Variants in PAK2 observed in about 807,000 individuals in gnomAD.
PAK2 encodes the protein serine/threonine-protein kinase PAK 2.
Under a neutral mutation model 65.9 loss-of-function variants are expected in PAK2, and 21 were observed. The observed-to-expected ratio is 0.32, with a 90% CI of 0.23 to 0.46. PAK2 has a LOEUF of 0.46. PAK2 is among the 20% of genes least tolerant of loss of function. The pLI is 1.00. For missense variants in PAK2, 324 were observed against 642.6 expected (o/e 0.50, Z 5.36); for synonymous variants, 204 against 219.7 (o/e 0.93, Z 0.63).
intron 1 of PAK2, among the ~76,000 whole-genome samples, chr3:196,776,879 C>T (rs989233912): frequency 1.4e-4 from 21 of 152,126 alleles, no homozygotes; most frequent in Non-Finnish European, 1.0e-4. Context: ...TAGTGTAATA[C>T]CAAAGAAGAA....
At chr3:196,812,384 C>A in intron 9 of PAK2, 117 bp downstream of exon 9, 1 of 732,300 alleles carries the variant, frequency 1.4e-6, no homozygotes, top group Non-Finnish European at 2.5e-6. Flanking sequence ...TTGTAAGAAT[C>A]GCTCTACGTA....
At chr3:196,788,907 G>A (rs1198852833) in intron 2 of PAK2, among the ~76,000 whole-genome samples, 1 of 152,208 alleles carries the variant, frequency 6.6e-6, no homozygotes, top group African/African-American at 2.4e-5. Flanking sequence ...AGGCACTACA[G>A]ACAGCAGAAG....
intron 11 of PAK2, among the ~76,000 whole-genome samples, chr3:196,814,901 T>C (rs576309005): frequency 1.1e-4 from 17 of 152,192 alleles, no homozygotes; most frequent in South Asian, 4.1e-4. Context: ...CCACTCAGGC[T>C]GGGCGCGGTG....
At chr3:196,818,645 C>T (rs13064543) in intron 12 of PAK2, among the ~76,000 whole-genome samples, 89,780 of 151,948 alleles carry the variant, frequency 0.59, 27,914 homozygotes, top group African/African-American at 0.79. Flanking sequence ...GGATTACAGG[C>T]GTGAGCCACC....
intron 1 of PAK2, among the ~76,000 whole-genome samples, chr3:196,765,923 G>A (rs536558756): frequency 1.1e-4 from 16 of 149,234 alleles, no homozygotes; most frequent in African/African-American, 2.5e-4. Context: ...TTTTTTAGAC[G>A]GAGTCTTGCT....
At chr3:196,766,778 A>T (rs1714182784) in intron 1 of PAK2, among the ~76,000 whole-genome samples, 1 of 127,268 alleles carries the variant, frequency 7.9e-6, no homozygotes, top group South Asian at 2.9e-4. Flanking sequence ...ATGGTGATGG[A>T]TGTCTTAATT....
chr3:196,779,964 A>G (rs903837995), intron 1 of PAK2, among the ~76,000 whole-genome samples: 1 of 152,226 alleles, frequency 6.6e-6, no homozygotes, highest in Non-Finnish European at 1.5e-5. Context: ...CCCAGCCGCA[A>G]TGTTGTTACT....
At chr3:196,825,062 A>G (rs1711789404) in intron 13 of PAK2, among the ~76,000 whole-genome samples, 3 of 152,192 alleles carry the variant, frequency 2.0e-5, no homozygotes, top group Non-Finnish European at 4.4e-5. Context: ...ATAATAATTT[A>G]GGACCAGACG....
Position 196,820,561 on chromosome 3 carries a change from C to G in PAK2, c.1344C>G (p.Pro448=). Residue 448 remains proline (P), a synonymous_variant, in exon 13 of 15, where the codon CCC becomes CCG. Transcript: ENST00000327134. This position sits in a 1 kb window ranked among gnomAD's most constrained non-coding sequence, Gnocchi z 4.6. ...AGCCTCCATACCTCAATGAAAATCC[C>G]TTGAGGGTAAGATGAGTTAAACACC... ...EGEPPYLNEN[P]LRALYLIATN... The G allele has an allele frequency of 6.4e-7, 1 of 1,551,090 alleles. No individual in the cohort carries two copies. The highest frequency in any genetic ancestry group is 1.2e-5 in the South Asian group (1 of 85,726).
In PAK2 at chr3:196,807,791, C is replaced by A. The variant is rs1400331886; in HGVS notation, c.586C>A (p.Arg196=). 6.3e-7 allele frequency: 1 copy of A among 1,595,760 alleles called. No individual in the cohort carries two copies. The highest frequency in any genetic ancestry group is 2.2e-5 in the East Asian group (1 of 44,762). The change falls in exon 7 of 15, where the codon CGG becomes AGG. Residue 196 remains arginine, a synonymous_variant. Coordinates refer to ENST00000327134, the MANE Select transcript of PAK2 (RefSeq NM_002577.4). ...RPDHTKSIYT[R]SVIDPVPAPV... Reference sequence around the variant, plus strand: ...AACTGTGTCTCCACAGATTTACACACGGTCTGTAATTGACCCTGTTCCTGC... The same window carrying A: ...AACTGTGTCTCCACAGATTTACACAAGGTCTGTAATTGACCCTGTTCCTGC...
intron 1 of PAK2, among the ~76,000 whole-genome samples, chr3:196,757,561 T>C (rs1469426459): frequency 3.9e-5 from 6 of 152,288 alleles, no homozygotes; most frequent in Admixed American, 3.9e-4. Flanking sequence ...GTGATCATCA[T>C]GTACTACTTT....
At chr3:196,759,739 C>G (rs1015696247) in intron 1 of PAK2, among the ~76,000 whole-genome samples, 1 of 151,804 alleles carries the variant, frequency 6.6e-6, no homozygotes, top group Non-Finnish European at 1.5e-5. Context: ...ACTGGCCAGG[C>G]TGGTCTTGAA....
At position 196,829,570 on chromosome 3, in the gene PAK2, AAG is replaced by A. The variant is rs1285201192; in HGVS notation, c.*1169_*1170del. On this transcript the variant is annotated 3_prime_UTR_variant, in exon 15 of 15. Coordinates refer to ENST00000327134, the MANE Select transcript of PAK2 (RefSeq NM_002577.4). ...CAGTGAGAAGAGATTATACTCATGA[AAG>A]AGAATGTTAGTGTTACAGAGAAGCA... The A allele has an allele frequency of 6.6e-6, 1 of 152,166 alleles. No individual in the cohort carries two copies. The highest frequency in any genetic ancestry group is 2.4e-5 in the African/African-American group (1 of 41,432). The allele number at this position is 152,166 out of a possible 1,614,324, so 9.4% of individuals were successfully genotyped here.
chr3:196,769,627 C>T lies in PAK2; in HGVS notation c.-21-12999C>T, dbSNP rs772253262. On this transcript the variant is annotated intron_variant, in intron 1 of 14. Coordinates refer to ENST00000327134, the MANE Select transcript of PAK2 (RefSeq NM_002577.4). ...GAGATCGAGACTGTCCTGGCTAACA[C>T]GGTGAAACCCCGTCTCTCCTAAAAA... Among the ~76,000 whole-genome samples, 66 of 141,022 alleles carry T rather than the reference C, an allele frequency of 4.7e-4. 2 individuals carry two copies. The highest frequency in any genetic ancestry group is 1.3e-3 in the African/African-American group (47 of 36,894). The allele number at this position is 141,022 out of a possible 152,430, so 92.5% of individuals were successfully genotyped here.
At chr3:196,786,393 C>G (rs755931782) in intron 2 of PAK2, among the ~76,000 whole-genome samples, 1 of 152,018 alleles carries the variant, frequency 6.6e-6, no homozygotes, top group African/African-American at 2.4e-5. Flanking sequence ...GAACTTCTGA[C>G]CTTGTGATCC....
chr3:196,767,081 G>A (rs147911772), intron 1 of PAK2, among the ~76,000 whole-genome samples: 225 of 151,474 alleles, frequency 1.5e-3, no homozygotes, highest in Non-Finnish European at 2.6e-3. Flanking sequence ...TTACTCCATG[G>A]CAGTATATGG....
chr3:196,755,914 C>G (rs1481843557), intron 1 of PAK2, among the ~76,000 whole-genome samples: 1 of 152,122 alleles, frequency 6.6e-6, no homozygotes, highest in Non-Finnish European at 1.5e-5. Flanking sequence ...CACCACCATG[C>G]CTGGCTAATC....
chr3:196,770,959 G>A (rs1714342649), intron 1 of PAK2, among the ~76,000 whole-genome samples: 1 of 151,778 alleles, frequency 6.6e-6, no homozygotes, highest in Non-Finnish European at 1.5e-5. Flanking sequence ...TCTCCATTCA[G>A]TTCTAAATAT....
intron 4 of PAK2, among the ~76,000 whole-genome samples, chr3:196,803,713 T>A (rs1319112799): frequency 6.6e-6 from 1 of 152,208 alleles, no homozygotes; most frequent in Non-Finnish European, 1.5e-5. Flanking sequence ...ATGGAATATC[T>A]GGAATATCAT....
Sources: gnomAD v4.1 joint callset for allele counts (sites outside exome capture counted in the v4.1 genomes callset) on GRCh38, gnomAD v4.1.1 for gene constraint, Gnocchi (gnomAD v3.1) non-coding constraint, MANE v1.5 for transcripts, NCBI Gene and HGNC (gene_info 2026-07-23, HGNC 2026-07-21) for gene names.